PERM1: variants seen among roughly 807,000 people sequenced by gnomAD.
PERM1 encodes PPARGC1 and ESRR induced regulator, muscle 1.
Under a neutral mutation model 44.1 loss-of-function variants are expected in PERM1, and 45 were observed. That is an observed-to-expected ratio of 1.02 (90% CI 0.80 to 1.31). The LOEUF (loss-of-function observed/expected upper bound fraction) is 1.31. PERM1 is among the 50% of genes most tolerant of loss of function. The probability of loss-of-function intolerance (pLI) is 0.00; values close to 1 mark genes in which losing one functional copy is unlikely to be tolerated. For missense variants in PERM1, 1,189 were observed against 1,106.9 expected, an observed-to-expected ratio of 1.07 and a Z score of -1.05; for synonymous variants, 565 against 477.1, an observed-to-expected ratio of 1.18 and a Z score of -2.40.
Position 980,310 on chromosome 1 carries a change from G to A in PERM1, c.720C>T (p.Pro240=), listed in dbSNP as rs1158038138. 3 of 1,550,324 alleles carry A rather than the reference G, an allele frequency of 1.9e-6. No homozygotes were observed. The South Asian group carries it at 3.6e-5, about 18-fold the overall frequency. Residue 240 remains proline, a synonymous_variant, in exon 1 of 3, where the codon CCC becomes CCT. Transcript: ENST00000433179. ...GTCTGTCTTCCTGCACAGGGGACCT[G>A]GGGCCAGGCTCAGGAGCTCCTGCAG...
upstream of PERM1, chr1:981,154 C>A: frequency 6.5e-7 from 1 of 1,548,870 alleles, no homozygotes; most frequent in Non-Finnish European, 8.7e-7. Flanking sequence ...CTCCCACCGC[C>A]TCGGGGCTCC....
chr1:975,245 T>G (rs1291834862), exon 3 of PERM1: 1 of 152,442 alleles, frequency 6.6e-6, no homozygotes, highest in Non-Finnish European at 1.5e-5. Flanking sequence ...ATGTGTTCTC[T>G]GCTCAGCAGC....
At chr1:979,039 A>G (rs898083103) in exon 1 of PERM1, 6 of 1,540,986 alleles carry the variant, frequency 3.9e-6, no homozygotes, top group Non-Finnish European at 5.3e-6. Flanking sequence ...CTCCCCGAAG[A>G]AGAAGTGTTC....
upstream of PERM1, among the ~76,000 whole-genome samples, chr1:981,405 C>T (rs1410145815): frequency 1.3e-5 from 2 of 152,228 alleles, no homozygotes; most frequent in Non-Finnish European, 2.9e-5. Context: ...CCCATCACAC[C>T]TCAGCTGGGG....
upstream of PERM1, chr1:981,189 C>T (rs1210832598): frequency 6.5e-7 from 1 of 1,543,830 alleles, no homozygotes; most frequent in Admixed American, 2.0e-5. Context: ...AGGAAGAGAA[C>T]AGCATCTCGA....
chr1:976,004 T>C (rs761487574), exon 3 of PERM1: 26 of 676,454 alleles, frequency 3.8e-5, no homozygotes, highest in Middle Eastern at 8.4e-4. Flanking sequence ...CCGTGGTCAC[T>C]GGCTGGATCC....
exon 3 of PERM1, chr1:976,097 G>A (rs1477306729): frequency 3.0e-5 from 43 of 1,425,108 alleles, no homozygotes; most frequent in Non-Finnish European, 3.9e-5. Flanking sequence ...GCCCGGGCGA[G>A]GGCGGCACCT....
At chr1:980,236 C>T in exon 1 of PERM1, 1 of 1,550,372 alleles carries the variant, frequency 6.5e-7, no homozygotes, top group Non-Finnish European at 8.7e-7. Context: ...TTGGTCTGTG[C>T]CTTGCTCTGT....
rs1247869564 is a variant in PERM1, at chr1:976,656, C to G, written c.2150-32G>C. 1.9e-6 allele frequency: 3 copies of G among 1,548,480 alleles called. No homozygotes were observed. In the Admixed American group the frequency reaches 5.9e-5, roughly 30 times the overall value. ...CAGAAGCTCACCTTCAGCCCCACGG[C>G]TGCACTCAGAGATGGCCCCGCACAC... On this transcript the variant is annotated intron_variant, in intron 1 of 2. Transcript: ENST00000433179.
At position 980,953 on chromosome 1, in the gene PERM1, C is replaced by A. The variant is rs969883169; in HGVS notation, c.77G>T (p.Gly26Val). 5 of 1,458,944 alleles carry A rather than the reference C, an allele frequency of 3.4e-6. No individual in the cohort carries two copies. In the African/African-American group the frequency reaches 4.3e-5, roughly 13 times the overall value. 90.4% of individuals were successfully genotyped at this position (1,458,944 alleles called of 1,614,324 possible). The stretch of plus-strand genomic sequence containing the variant: ...AGAGGCCAGGCCGGCCTGCAGGAGG[C>A]CACACTCATCGGCGGTGGCTGAGAA... The change falls in exon 1 of 3, where the codon GGC becomes GTC. Residue 26 changes from glycine (G) to valine (V), a missense_variant. By Grantham distance (109) the Gly-to-Val change is moderately radical. Around this residue, in one of 3 missense-constraint regions of PERM1, gnomAD observed 274 missense variants for 317.9 expected, o/e 0.86. Transcript: ENST00000433179.
intron 1 of PERM1, 92 bp downstream of exon 2, chr1:978,789 C>G: frequency 8.0e-7 from 1 of 1,250,618 alleles, no homozygotes; most frequent in Non-Finnish European, 1.1e-6. Context: ...CAAGCCCGGC[C>G]TGCCCGGCCC....
upstream of PERM1, chr1:981,953 G>T: frequency 1.1e-6 from 1 of 899,144 alleles, no homozygotes; most frequent in Non-Finnish European, 1.5e-6. Flanking sequence ...GGGCATGGTG[G>T]CTTCCCACCC....
chr1:982,085 TG>T, upstream of PERM1: 6 of 1,288,012 alleles, frequency 4.7e-6, no homozygotes, highest in Non-Finnish European at 5.1e-6. Context: ...GCGGCCGAGC[TG>T]GGCGTCTGAG....
intron 1 of PERM1, 48 bp downstream of exon 2, chr1:978,833 A>G: frequency 7.1e-7 from 1 of 1,416,598 alleles, no homozygotes; most frequent in South Asian, 1.5e-5. Flanking sequence ...ATCCCTGGAC[A>G]GTGTGTGCCT....
At chr1:980,247 C>T in exon 1 of PERM1, 1 of 1,550,420 alleles carries the variant, frequency 6.4e-7, no homozygotes, top group Non-Finnish European at 8.7e-7. Flanking sequence ...CTTGCTCTGT[C>T]ACAGGGACAG....
At position 976,484 on chromosome 1, in the gene PERM1, C is replaced by T; in HGVS notation, c.2275+15G>A. 1 of 1,549,506 alleles carries T rather than the reference C, an allele frequency of 6.5e-7. No homozygotes were observed. Among genetic ancestry groups the T allele is most frequent in the Non-Finnish European group, 8.7e-7 (1 of 1,146,394 alleles). On this transcript the variant is annotated intron_variant, in intron 2 of 2. Transcript: ENST00000433179. ...GCTTCTAGGCGCAGCTCCCTCTGCC[C>T]CCAGGCACCCAAACCTGTTTTCCAG...
exon 1 of PERM1, chr1:978,951 C>T: frequency 2.0e-6 from 3 of 1,510,028 alleles, no homozygotes; most frequent in Non-Finnish European, 1.8e-6. Context: ...GCCCCGCCCC[C>T]TCGGAGGCCG....
At chr1:979,111 G>T (rs1405955920) in exon 1 of PERM1, 1 of 1,549,742 alleles carries the variant, frequency 6.5e-7, no homozygotes, top group African/African-American at 1.4e-5. Context: ...CACAGGATCA[G>T]CTCTCGGGAG....
exon 1 of PERM1, chr1:979,893 C>T (rs929275810): frequency 2.9e-5 from 45 of 1,550,038 alleles, no homozygotes; most frequent in Admixed American, 3.9e-5. Flanking sequence ...TGGACTGAGG[C>T]TCAGAAGCTG....
Sources: gnomAD v4.1 joint callset for allele counts (sites outside exome capture counted in the v4.1 genomes callset) on GRCh38, gnomAD v4.1.1 for gene constraint, gnomAD v4.1.1 regional missense constraint, MANE v1.5 for transcripts, NCBI Gene and HGNC (gene_info 2026-07-23, HGNC 2026-07-21) for gene names.